Variants in CENPW observed in about 807,000 individuals in gnomAD.
The protein encoded by CENPW is cancer-up-regulated gene 2 protein.
CENPW carries 3 observed loss-of-function variants against 11.1 expected under a neutral mutation model. The observed-to-expected ratio is 0.27, with a 90% CI of 0.12 to 0.70. CENPW has a LOEUF of 0.70. Among genes scored for constraint, CENPW ranks in the 30% least tolerant of loss-of-function variants. The pLI, the probability that CENPW is intolerant of heterozygous loss-of-function variation, is 0.77. For synonymous variants in CENPW, 38 were observed against 42.0 expected (o/e 0.91, Z 0.37); for missense variants, 100 against 105.6 (o/e 0.95, Z 0.23).
the CENPW span, among the ~76,000 whole-genome samples, chr6:126,407,373 T>G: frequency 6.6e-6 from 1 of 152,232 alleles, no homozygotes; most frequent in Admixed American, 6.5e-5. Context: ...TTTGCTATTA[T>G]GAATAGTGCT....
chr6:126,449,271 A>G, the CENPW span, among the ~76,000 whole-genome samples: 2 of 151,064 alleles, frequency 1.3e-5, no homozygotes, highest in Non-Finnish European at 3.0e-5. Flanking sequence ...TTATCACACC[A>G]TCTACCTTGT....
At chr6:126,423,771 G>A in the CENPW span, among the ~76,000 whole-genome samples, 117 of 150,800 alleles carry the variant, frequency 7.8e-4, no homozygotes, top group African/African-American at 2.8e-3. Flanking sequence ...GAAGAAATAT[G>A]TATTTTAAGT....
At chr6:126,378,461 T>C in the CENPW span, among the ~76,000 whole-genome samples, 1 of 119,336 alleles carries the variant, frequency 8.4e-6, no homozygotes, top group South Asian at 3.8e-4. Flanking sequence ...AAAATGTCCC[T>C]TGAGTTTTTT....
the CENPW span, among the ~76,000 whole-genome samples, chr6:126,422,492 C>T: frequency 5.3e-5 from 8 of 151,972 alleles, no homozygotes; most frequent in Non-Finnish European, 7.4e-5. Flanking sequence ...TTGTGTGCAT[C>T]GCTGGTGTTT....
the CENPW span, among the ~76,000 whole-genome samples, chr6:126,404,642 C>T: frequency 3.9e-5 from 6 of 152,090 alleles, no homozygotes; most frequent in Non-Finnish European, 8.8e-5. Flanking sequence ...GTATGAGTCC[C>T]AGAAGAGGAC....
chr6:126,347,969 A>G (rs532933753), intron 2 of CENPW, among the ~76,000 whole-genome samples: 19 of 152,098 alleles, frequency 1.2e-4, no homozygotes, highest in Non-Finnish European at 2.2e-4. Flanking sequence ...TCAAATGATT[A>G]TAATTCCAGT....
chr6:126,453,550 A>G, the CENPW span, among the ~76,000 whole-genome samples: 2 of 151,200 alleles, frequency 1.3e-5, no homozygotes, highest in African/African-American at 4.8e-5. Context: ...AGATGTCCTT[A>G]AGGGAGTGCT....
At chr6:126,449,997 C>T in the CENPW span, among the ~76,000 whole-genome samples, 74,263 of 150,700 alleles carry the variant, frequency 0.49, 19,412 homozygotes, top group East Asian at 0.97. Flanking sequence ...CAGTGCCCAG[C>T]AATGTCTTTC....
At chr6:126,454,812 T>C in the CENPW span, among the ~76,000 whole-genome samples, 1 of 150,938 alleles carries the variant, frequency 6.6e-6, no homozygotes, top group Admixed American at 6.6e-5. Context: ...ATAAATAAGA[T>C]TGATAGACCA....
At chr6:126,471,714 C>G in the CENPW span, among the ~76,000 whole-genome samples, 126 of 152,122 alleles carry the variant, frequency 8.3e-4, no homozygotes, top group African/African-American at 3.0e-3. Flanking sequence ...AAAGGTACAT[C>G]CCATGTGATT....
intron 1 of CENPW, among the ~76,000 whole-genome samples, chr6:126,341,053 C>T (rs1780297921): frequency 6.6e-6 from 1 of 152,206 alleles, no homozygotes; most frequent in Non-Finnish European, 1.5e-5. Flanking sequence ...AGTTTTTAAG[C>T]TAGACTACTA....
At chr6:126,419,800 A>G in the CENPW span, among the ~76,000 whole-genome samples, 1 of 152,178 alleles carries the variant, frequency 6.6e-6, no homozygotes, top group Admixed American at 6.5e-5. Context: ...TGCCCTCATC[A>G]TCATATGTTT....
At chr6:126,473,454 G>A in the CENPW span, among the ~76,000 whole-genome samples, 4 of 151,846 alleles carry the variant, frequency 2.6e-5, no homozygotes, top group East Asian at 3.9e-4. Context: ...TTTATAGGCC[G>A]GGCACAGTGA....
the CENPW span, among the ~76,000 whole-genome samples, chr6:126,356,408 G>A: frequency 1.3e-5 from 2 of 152,108 alleles, no homozygotes; most frequent in East Asian, 1.9e-4. Context: ...AAGGAGATAC[G>A]GGACAGCGGG....
At chr6:126,439,734 G>A in the CENPW span, among the ~76,000 whole-genome samples, 1 of 151,592 alleles carries the variant, frequency 6.6e-6, no homozygotes, top group Non-Finnish European at 1.5e-5. Flanking sequence ...TGAAGCCAAA[G>A]ATTTCTAACC....
At chr6:126,440,848 A>G in the CENPW span, among the ~76,000 whole-genome samples, 1 of 151,486 alleles carries the variant, frequency 6.6e-6, no homozygotes, top group African/African-American at 2.4e-5. Flanking sequence ...ATTCAGAAAG[A>G]ATGGTCCATT....
chr6:126,387,051 C>T, the CENPW span, among the ~76,000 whole-genome samples: 1 of 151,870 alleles, frequency 6.6e-6, no homozygotes, highest in Non-Finnish European at 1.5e-5. Flanking sequence ...AGAGAGTTAA[C>T]TGACTAGTGA....
At chr6:126,389,094 A>C in the CENPW span, among the ~76,000 whole-genome samples, 1 of 151,908 alleles carries the variant, frequency 6.6e-6, no homozygotes, top group Non-Finnish European at 1.5e-5. Context: ...CTTTGAAACA[A>C]TCTGTTTCTT....
At chr6:126,341,688 G>T (rs1295453337) in intron 1 of CENPW, among the ~76,000 whole-genome samples, 1 of 152,204 alleles carries the variant, frequency 6.6e-6, no homozygotes, top group Non-Finnish European at 1.5e-5. Context: ...GAATTCAAAT[G>T]AAATTCACTT....
Sources: allele counts gnomAD v4.1 joint callset (sites outside exome capture counted in the v4.1 genomes callset), GRCh38; gene constraint gnomAD v4.1.1; transcripts MANE v1.5; gene names NCBI Gene and HGNC (gene_info 2026-07-23, HGNC 2026-07-21).